Variants in CNTNAP2 observed in about 807,000 individuals in gnomAD.
The protein encoded by CNTNAP2 is contactin associated protein 2, also known as contactin-associated protein-like 2.
CNTNAP2 carries 98 observed loss-of-function variants against 155.2 expected under a neutral mutation model. The ratio of observed to expected loss-of-function variants is 0.63; its 90% CI spans 0.54 to 0.75. The LOEUF (loss-of-function observed/expected upper bound fraction) is 0.75, where lower values mean the gene tolerates loss of function less well. Ranked by LOEUF, CNTNAP2 falls within the 30% of genes least tolerant of loss-of-function variation. The probability of loss-of-function intolerance (pLI) is 0.00; values close to 1 mark genes in which losing one functional copy is unlikely to be tolerated. For synonymous variants in CNTNAP2, 651 were observed against 631.2 expected, an observed-to-expected ratio of 1.03 and a Z score of -0.47; for missense variants, 1,727 against 1,688.1, an observed-to-expected ratio of 1.02 and a Z score of -0.40.
At chr7:147,025,099 C>T (rs1014697725) in intron 3 of CNTNAP2, among the ~76,000 whole-genome samples, 1 of 151,002 alleles carries the variant, frequency 6.6e-6, no homozygotes, top group Non-Finnish European at 1.5e-5. Context: ...GCCTGACTTA[C>T]ATGGTGAAAC....
At chr7:147,504,065 C>CT (rs1798864681) in intron 11 of CNTNAP2, among the ~76,000 whole-genome samples, 1 of 152,190 alleles carries the variant, frequency 6.6e-6, no homozygotes, top group South Asian at 2.1e-4. Context: ...TTTGTGAAAT[C>CT]TGTGCTTGTC....
chr7:146,246,226 T>G (rs1228237254), intron 1 of CNTNAP2, among the ~76,000 whole-genome samples: 1 of 150,100 alleles, frequency 6.7e-6, no homozygotes, highest in Admixed American at 6.6e-5. Flanking sequence ...CTTATACTTG[T>G]GGGTTAAGGT....
At chr7:147,594,231 C>A (rs778525178) in intron 12 of CNTNAP2, among the ~76,000 whole-genome samples, 1 of 149,806 alleles carries the variant, frequency 6.7e-6, no homozygotes, top group Non-Finnish European at 1.5e-5. Context: ...GGTTAAGCGA[C>A]TACCCTGCAT....
intron 3 of CNTNAP2, among the ~76,000 whole-genome samples, chr7:147,018,254 G>A (rs1798759797): frequency 6.6e-6 from 1 of 152,010 alleles, no homozygotes; most frequent in Non-Finnish European, 1.5e-5. Context: ...GAATTTTTCA[G>A]TCTGATAGAG....
chr7:148,081,737 T>A (rs1803608881), intron 15 of CNTNAP2, among the ~76,000 whole-genome samples: 1 of 151,996 alleles, frequency 6.6e-6, no homozygotes, highest in South Asian at 2.1e-4. Flanking sequence ...GGAGGATGAA[T>A]GGCAAGGAGA....
At chr7:147,077,069 C>T (rs946264656) in intron 4 of CNTNAP2, among the ~76,000 whole-genome samples, 3 of 152,156 alleles carry the variant, frequency 2.0e-5, no homozygotes, top group East Asian at 1.9e-4. Context: ...GAAAATATAT[C>T]GTTTAGCTTC....
At chr7:146,502,663 G>A (rs771234798) in intron 1 of CNTNAP2, among the ~76,000 whole-genome samples, 6 of 152,066 alleles carry the variant, frequency 3.9e-5, no homozygotes, top group Non-Finnish European at 7.4e-5. Flanking sequence ...CCAGGCTGGA[G>A]TGCAATGGCG....
chr7:147,613,334 T>A (rs1396814041), intron 12 of CNTNAP2, among the ~76,000 whole-genome samples: 1 of 152,236 alleles, frequency 6.6e-6, no homozygotes, highest in Non-Finnish European at 1.5e-5. Context: ...TTTTGCGTTA[T>A]TTCCGTTTCT....
At chr7:148,018,783 AC>A (rs747260691) in intron 15 of CNTNAP2, among the ~76,000 whole-genome samples, 20 of 152,338 alleles carry the variant, frequency 1.3e-4, no homozygotes, top group Non-Finnish European at 2.5e-4. Flanking sequence ...TTTGACTCTC[AC>A]CACAAAACAG....
At chr7:147,490,161 A>G (rs898832171) in intron 11 of CNTNAP2, among the ~76,000 whole-genome samples, 1 of 152,146 alleles carries the variant, frequency 6.6e-6, no homozygotes, top group Non-Finnish European at 1.5e-5. Flanking sequence ...TGTTGCCCAA[A>G]TATATAGACG....
intron 1 of CNTNAP2, among the ~76,000 whole-genome samples, chr7:146,412,263 G>A (rs1563074474): frequency 6.6e-6 from 1 of 152,200 alleles, no homozygotes; most frequent in Admixed American, 6.5e-5. Flanking sequence ...GTCACTACAC[G>A]CTTCACAGCC....
chr7:146,865,796 T>G (rs1426403569), intron 3 of CNTNAP2, among the ~76,000 whole-genome samples: 1 of 152,142 alleles, frequency 6.6e-6, no homozygotes, highest in Non-Finnish European at 1.5e-5. Context: ...AAATCTTCTA[T>G]TCTTCAAATG....
At chr7:148,013,728 T>C (rs1251744348) in intron 15 of CNTNAP2, among the ~76,000 whole-genome samples, 1 of 152,174 alleles carries the variant, frequency 6.6e-6, no homozygotes, top group Non-Finnish European at 1.5e-5. Flanking sequence ...CAAAGGAAAA[T>C]GTAGGACTTG....
At chr7:147,158,766 C>T (rs182761730) in intron 8 of CNTNAP2, among the ~76,000 whole-genome samples, 7 of 152,130 alleles carry the variant, frequency 4.6e-5, no homozygotes, top group African/African-American at 7.2e-5. Flanking sequence ...GAATGAATTA[C>T]GTTCTTGTTG....
At chr7:147,165,776 G>A (rs943899729) in intron 8 of CNTNAP2, among the ~76,000 whole-genome samples, 1 of 152,076 alleles carries the variant, frequency 6.6e-6, no homozygotes, top group Admixed American at 6.6e-5. Context: ...AAGATCAGTT[G>A]GCTTTAAGCA....
At chr7:146,550,401 G>GTTGT (rs1798097750) in intron 1 of CNTNAP2, among the ~76,000 whole-genome samples, 1 of 54,382 alleles carries the variant, frequency 1.8e-5, no homozygotes, top group Non-Finnish European at 3.3e-5. Flanking sequence ...CCATTAATCT[G>GTTGT]TTTTTTTTTT....
In CNTNAP2 at chr7:148,130,518, G is replaced by C. The variant is rs552233483; in HGVS notation, c.2554+12230G>C. Among the ~76,000 whole-genome samples the C allele has an allele frequency of 6.6e-5, 10 of 152,232 alleles. 1 individual carries two copies. The highest frequency in any genetic ancestry group is 3.4e-3 in the Middle Eastern group (1 of 294). On this transcript the variant is annotated intron_variant, in intron 16 of 23. Coordinates refer to ENST00000361727, the MANE Select transcript of CNTNAP2 (RefSeq NM_014141.6). ...AGTGAGGCCAAATTTCTACAGATCT[G>C]GTCCAGTTACTCCTTTCCTTACAGA...
At chr7:148,284,272 GT>G (rs1399210271) in intron 21 of CNTNAP2, among the ~76,000 whole-genome samples, 2 of 152,086 alleles carry the variant, frequency 1.3e-5, no homozygotes, top group Non-Finnish European at 2.9e-5. Flanking sequence ...TCATGGGGGG[GT>G]TTCCCCCATA....
chr7:146,882,628 A>G (rs1795576226), intron 3 of CNTNAP2, among the ~76,000 whole-genome samples: 1 of 152,104 alleles, frequency 6.6e-6, no homozygotes, highest in Non-Finnish European at 1.5e-5. Flanking sequence ...TAAGTCAATT[A>G]AACCTCTTTC....
Sources: gnomAD v4.1 joint callset for allele counts (sites outside exome capture counted in the v4.1 genomes callset) on GRCh38, gnomAD v4.1.1 for gene constraint, MANE v1.5 for transcripts, NCBI Gene and HGNC (gene_info 2026-07-23, HGNC 2026-07-21) for gene names.